Variants in TNKS observed in about 807,000 individuals in gnomAD.
TNKS encodes tankyrase.
In TNKS, 72 loss-of-function variants were observed where a neutral mutation model predicts 135.8. The ratio of observed to expected loss-of-function variants is 0.53; its 90% CI spans 0.44 to 0.64. The LOEUF is 0.64. Among genes scored for constraint, TNKS ranks in the 30% least tolerant of loss-of-function variants. The probability of loss-of-function intolerance (pLI) is 0.00; values close to 1 mark genes in which losing one functional copy is unlikely to be tolerated. For synonymous variants in TNKS, 849 were observed against 649.3 expected, an observed-to-expected ratio of 1.31 and a Z score of -4.68; for missense variants, 1,769 against 1,674.0, an observed-to-expected ratio of 1.06 and a Z score of -0.99.
At chr8:9,667,739 T>C (rs981075514) in intron 3 of TNKS, among the ~76,000 whole-genome samples, 5 of 152,164 alleles carry the variant, frequency 3.3e-5, no homozygotes, top group African/African-American at 1.2e-4. Flanking sequence ...TATTTTTTTC[T>C]TATATTTTCC....
chr8:9,559,980 C>G (rs1405523693), intron 1 of TNKS, among the ~76,000 whole-genome samples: 1 of 152,056 alleles, frequency 6.6e-6, no homozygotes, highest in Non-Finnish European at 1.5e-5. Flanking sequence ...TGTAAGATGG[C>G]TTTGTAAAGA....
chr8:9,607,632 C>T (rs977191070), intron 2 of TNKS, among the ~76,000 whole-genome samples: 1 of 152,156 alleles, frequency 6.6e-6, no homozygotes, highest in Admixed American at 6.5e-5. Context: ...ATCAAAAATA[C>T]TCGTTTCCTA....
intron 3 of TNKS, among the ~76,000 whole-genome samples, chr8:9,673,568 C>T (rs1375263540): frequency 1.3e-5 from 2 of 151,116 alleles, no homozygotes; most frequent in Non-Finnish European, 2.9e-5. Context: ...CTCAGCCTCC[C>T]GAATAGATGG....
chr8:9,696,401 A>G (rs1803515956), intron 5 of TNKS, among the ~76,000 whole-genome samples: 1 of 152,194 alleles, frequency 6.6e-6, no homozygotes, highest in Non-Finnish European at 1.5e-5. Flanking sequence ...ATAAGGACTG[A>G]TAAATGACCA....
At chr8:9,753,908 G>C (rs1806691138) in intron 20 of TNKS, among the ~76,000 whole-genome samples, 1 of 152,168 alleles carries the variant, frequency 6.6e-6, no homozygotes, top group Non-Finnish European at 1.5e-5. Context: ...CAGTTTCAGA[G>C]GACTATACTC....
intron 3 of TNKS, among the ~76,000 whole-genome samples, chr8:9,632,839 C>T (rs10090998): frequency 0.1 from 15,852 of 152,156 alleles, 953 homozygotes; most frequent in South Asian, 0.17. Flanking sequence ...ATACCATTCT[C>T]CTGCCTCAGC....
At chr8:9,683,173 T>C (rs1802854769) in intron 5 of TNKS, among the ~76,000 whole-genome samples, 1 of 152,030 alleles carries the variant, frequency 6.6e-6, no homozygotes, top group Non-Finnish European at 1.5e-5. Flanking sequence ...CCAGTTGCAG[T>C]AAAGCCACAG....
chr8:9,633,294 T>G (rs1446063018), intron 3 of TNKS, among the ~76,000 whole-genome samples: 1 of 152,184 alleles, frequency 6.6e-6, no homozygotes, highest in African/African-American at 2.4e-5. Flanking sequence ...TTGTTTGTAA[T>G]TGCAAAATAT....
intron 1 of TNKS, among the ~76,000 whole-genome samples, chr8:9,578,236 C>A (rs572428746): frequency 6.6e-6 from 1 of 152,194 alleles, no homozygotes; most frequent in African/African-American, 2.4e-5. Flanking sequence ...GAGAATAATT[C>A]AACCTTCCTG....
intron 15 of TNKS, 151 bp downstream of exon 15, chr8:9,733,595 A>T: frequency 1.5e-6 from 1 of 650,414 alleles, no homozygotes; most frequent in Non-Finnish European, 2.6e-6. Flanking sequence ...CGTTTATGTG[A>T]TATGACACAT....
intron 2 of TNKS, among the ~76,000 whole-genome samples, chr8:9,614,604 T>G (rs1356433253): frequency 6.6e-6 from 1 of 152,222 alleles, no homozygotes; most frequent in African/African-American, 2.4e-5. Context: ...GTATGTGCTT[T>G]AGCATGGAAC....
At chr8:9,653,023 C>T (rs1801201989) in intron 3 of TNKS, among the ~76,000 whole-genome samples, 1 of 152,158 alleles carries the variant, frequency 6.6e-6, no homozygotes, top group Non-Finnish European at 1.5e-5. Flanking sequence ...GCCACACCTC[C>T]AAAGACGTTG....
intron 2 of TNKS, among the ~76,000 whole-genome samples, chr8:9,615,061 T>G (rs1043754424): frequency 6.6e-6 from 1 of 152,226 alleles, no homozygotes; most frequent in East Asian, 1.9e-4. Context: ...CACATTACTA[T>G]GTCTGTTAAA....
chr8:9,657,893 T>A (rs1801487693), intron 3 of TNKS, among the ~76,000 whole-genome samples: 1 of 115,978 alleles, frequency 8.6e-6, no homozygotes, highest in Non-Finnish European at 1.8e-5. Flanking sequence ...ACGGGGTGGT[T>A]GCCAGGCAGA....
chr8:9,606,035 C>G (rs534923749), intron 2 of TNKS, among the ~76,000 whole-genome samples: 7 of 151,344 alleles, frequency 4.6e-5, no homozygotes, highest in Non-Finnish European at 8.9e-5. Context: ...GAAGATTTTT[C>G]TTTCATGTTT....
intron 25 of TNKS, among the ~76,000 whole-genome samples, chr8:9,766,787 A>T (rs180802897): frequency 8.2e-4 from 125 of 152,152 alleles, no homozygotes; most frequent in African/African-American, 2.8e-3. Context: ...CCCAGCCCCA[A>T]ATTGGTTTAT....
At chr8:9,578,905 T>C (rs535563442) in intron 1 of TNKS, among the ~76,000 whole-genome samples, 34 of 152,336 alleles carry the variant, frequency 2.2e-4, no homozygotes, top group African/African-American at 8.2e-4. Context: ...CATTGCAATT[T>C]AGTTTGTAAT....
In TNKS at chr8:9,750,955, A is replaced by G. The variant is rs538129231; in HGVS notation, c.2833-654A>G. Reference sequence around the variant, plus strand: ...CATGGCAGATGGCTTCTAAGAGAGTAAAAGTAGACACTGCCAATCCACTTA... The same window carrying G: ...CATGGCAGATGGCTTCTAAGAGAGTGAAAGTAGACACTGCCAATCCACTTA... On this transcript the variant is annotated intron_variant, in intron 18 of 26. Coordinates refer to ENST00000310430, the MANE Select transcript of TNKS (RefSeq NM_003747.3). 6.6e-5 allele frequency among the ~76,000 whole-genome samples: 10 copies of G among 152,356 alleles called. No homozygotes were observed. In the East Asian group the frequency reaches 1.9e-3, roughly 29 times the overall value.
chr8:9,747,790 C>T (rs1806313078), intron 17 of TNKS, among the ~76,000 whole-genome samples: 1 of 151,894 alleles, frequency 6.6e-6, no homozygotes, highest in African/African-American at 2.4e-5. Flanking sequence ...AGCCCATGAA[C>T]AGTTACAGGG....
Sources: gnomAD v4.1 joint callset for allele counts (sites outside exome capture counted in the v4.1 genomes callset) on GRCh38, gnomAD v4.1.1 for gene constraint, MANE v1.5 for transcripts, NCBI Gene and HGNC (gene_info 2026-07-23, HGNC 2026-07-21) for gene names.